PCCA: variants seen among roughly 807,000 people sequenced by gnomAD.
The protein encoded by PCCA is propionyl-CoA carboxylase alpha chain, mitochondrial.
PCCA carries 74 observed loss-of-function variants against 101.3 expected under a neutral mutation model. That is an observed-to-expected ratio of 0.73 (90% CI 0.61 to 0.89). The LOEUF (loss-of-function observed/expected upper bound fraction) is 0.89. PCCA is among the 40% of genes least tolerant of loss of function. PCCA has a pLI of 0.00. For synonymous variants in PCCA, 294 were observed against 313.6 expected, an observed-to-expected ratio of 0.94 and a Z score of 0.66; for missense variants, 891 against 907.0, an observed-to-expected ratio of 0.98 and a Z score of 0.23.
chr13:100,156,150 C>T (rs535088643), intron 5 of PCCA, among the ~76,000 whole-genome samples: 2 of 152,292 alleles, frequency 1.3e-5, no homozygotes, highest in South Asian at 4.1e-4. Context: ...TCACTGCAAC[C>T]TCTGTCCCGC....
intron 5 of PCCA, 140 bp from the exon 6 acceptor site, chr13:100,157,147 C>T: frequency 1.6e-6 from 1 of 618,144 alleles, no homozygotes; most frequent in Middle Eastern, 4.4e-4. Flanking sequence ...TGAGTTAGAA[C>T]TGATCAGTGT....
chr13:100,357,747 A>G (rs908815052), intron 18 of PCCA, among the ~76,000 whole-genome samples: 6 of 152,246 alleles, frequency 3.9e-5, no homozygotes, highest in Non-Finnish European at 8.8e-5. Flanking sequence ...AGCAGTCACT[A>G]TTGCATGCAT....
chr13:100,318,638 A>G (rs2067654753), intron 16 of PCCA, among the ~76,000 whole-genome samples: 1 of 151,996 alleles, frequency 6.6e-6, no homozygotes, highest in Non-Finnish European at 1.5e-5. Flanking sequence ...AGCTTCATCC[A>G]TGTCCCTACA....
chr13:100,284,604 G>T (rs376213141), intron 12 of PCCA, among the ~76,000 whole-genome samples: 31 of 152,186 alleles, frequency 2.0e-4, no homozygotes, highest in African/African-American at 7.5e-4. Context: ...GGAGACTAGT[G>T]GAAGATCTTA....
chr13:100,266,009 A>T (rs145167264), intron 10 of PCCA, among the ~76,000 whole-genome samples: 18 of 152,314 alleles, frequency 1.2e-4, no homozygotes, highest in Admixed American at 3.9e-4. Context: ...CTAAGTGTAG[A>T]TGTTGAGTAG....
chr13:100,473,986 A>T (rs941402473), intron 21 of PCCA, among the ~76,000 whole-genome samples: 1 of 152,224 alleles, frequency 6.6e-6, no homozygotes, highest in Non-Finnish European at 1.5e-5. Flanking sequence ...GAAAAAATGC[A>T]GATGCTTTTC....
rs794727479 is a variant in PCCA at position 100,111,880 on chromosome 13, G to C, written c.223G>C (p.Ala75Pro). The part of the protein sequence containing the change: ...KILVANRGEI[A>P]CRVIRTCKKM... ...TCTTGTTGCTAATAGAGGAGAAATT[G>C]CATGTCGGGTGAGTAGAATTTTCGT... Residue 75 changes from alanine to proline, a missense_variant, in exon 3 of 24, where the codon GCA becomes CCA. Transcript: ENST00000376285. 2.5e-6 allele frequency: 4 copies of C among 1,610,266 alleles called. No homozygotes were observed. Among genetic ancestry groups the C allele is most frequent in the African/African-American group, 1.3e-5 (1 of 74,792 alleles).
In PCCA at chr13:100,515,429, C is replaced by T. The variant is rs1468526380; in HGVS notation, c.1902C>T (p.Tyr634=). 2 of 1,613,676 alleles carry T rather than the reference C, an allele frequency of 1.2e-6. No individual in the cohort carries two copies. Among genetic ancestry groups the T allele is most frequent in the Non-Finnish European group, 1.7e-6 (2 of 1,179,740 alleles). Reference sequence around the variant, plus strand: ...TTTGGTTTTGTTTTTCCCTTAAGTACAAGGTGAATATCTTAACCAGACTTG... The same window carrying T: ...TTTGGTTTTGTTTTTCCCTTAAGTATAAGGTGAATATCTTAACCAGACTTG... ...NMSIQFLGTV[Y]KVNILTRLAA... The change falls in exon 22 of 24, where the codon TAC becomes TAT. Residue 634 remains tyrosine, a splice_region_variant and synonymous_variant. Coordinates refer to ENST00000376285, the MANE Select transcript of PCCA (RefSeq NM_000282.4).
At chr13:100,449,400 T>C in intron 21 of PCCA, 95 bp downstream of exon 21, 1 of 690,552 alleles carries the variant, frequency 1.4e-6, no homozygotes, top group African/African-American at 1.8e-5. Flanking sequence ...TCATTACTGC[T>C]AGATATTTAA....
intron 4 of PCCA, among the ~76,000 whole-genome samples, chr13:100,128,287 C>T (rs1467267480): frequency 6.6e-6 from 1 of 152,102 alleles, no homozygotes; most frequent in East Asian, 1.9e-4. Flanking sequence ...AGTCCCCTCC[C>T]ACCACAAAAC....
intron 18 of PCCA, among the ~76,000 whole-genome samples, chr13:100,358,763 T>C (rs1412807577): frequency 2.0e-5 from 3 of 152,222 alleles, no homozygotes; most frequent in African/African-American, 7.2e-5. Flanking sequence ...GTGGTGATAA[T>C]GTAATGACCG....
chr13:100,259,961 TGG>T (rs1176242759), intron 9 of PCCA, among the ~76,000 whole-genome samples: 1 of 152,232 alleles, frequency 6.6e-6, no homozygotes, highest in Non-Finnish European at 1.5e-5. Flanking sequence ...AATAGGTTGT[TGG>T]CGATGCTTTC....
In PCCA at chr13:100,275,136, C is replaced by T. The variant is rs192863866; in HGVS notation, c.1065+1790C>T. ...CTTCCTGCAGTGGTTTTCTCACGTG[C>T]ACCAAGGGGCCGCTTGTGGGATTTC... On this transcript the variant is annotated intron_variant, in intron 12 of 23. Coordinates refer to ENST00000376285, the MANE Select transcript of PCCA (RefSeq NM_000282.4). Among the ~76,000 whole-genome samples, 94 of 152,218 alleles carry T rather than the reference C, an allele frequency of 6.2e-4. No individual in the cohort carries two copies. The East Asian group carries it at 0.017, about 27-fold the overall frequency.
intron 8 of PCCA, among the ~76,000 whole-genome samples, chr13:100,247,428 G>A (rs1313395112): frequency 2.0e-5 from 3 of 151,118 alleles, no homozygotes; most frequent in East Asian, 3.9e-4. Flanking sequence ...ATATTAGCCA[G>A]GATGGTCTTG....
chr13:100,114,591 A>G (rs576403168), intron 4 of PCCA, among the ~76,000 whole-genome samples: 2 of 152,310 alleles, frequency 1.3e-5, no homozygotes, highest in South Asian at 4.1e-4. Flanking sequence ...AGGCGAGACT[A>G]TGTCCAAAGG....
chr13:100,399,299 G>C (rs1298919), intron 19 of PCCA, among the ~76,000 whole-genome samples: 59,474 of 151,938 alleles, frequency 0.39, 14,195 homozygotes, highest in African/African-American at 0.66. Flanking sequence ...GCGTGAATTT[G>C]TAATTCACTA....
chr13:100,195,440 T>A (rs965151631), intron 6 of PCCA, among the ~76,000 whole-genome samples: 2 of 152,216 alleles, frequency 1.3e-5, no homozygotes, highest in Admixed American at 1.3e-4. Context: ...TTAACAGTAT[T>A]TGGCAAAGTA....
chr13:100,377,825 A>G (rs1428371756), intron 19 of PCCA, among the ~76,000 whole-genome samples: 4 of 152,030 alleles, frequency 2.6e-5, no homozygotes, highest in African/African-American at 9.7e-5. Context: ...GGAGCATTTA[A>G]TCCATTTACA....
At chr13:100,374,412 C>T (rs2075771750) in intron 19 of PCCA, among the ~76,000 whole-genome samples, 1 of 152,120 alleles carries the variant, frequency 6.6e-6, no homozygotes, top group Non-Finnish European at 1.5e-5. Flanking sequence ...TGATTCCCTT[C>T]TGGATTCCCA....
Sources: allele counts gnomAD v4.1 joint callset (sites outside exome capture counted in the v4.1 genomes callset), GRCh38; gene constraint gnomAD v4.1.1; transcripts MANE v1.5; gene names NCBI Gene and HGNC (gene_info 2026-07-23, HGNC 2026-07-21).